Variants in DSCAML1 observed in about 807,000 individuals in gnomAD.
DSCAML1 encodes cell adhesion molecule DSCAML1.
DSCAML1 carries 38 observed loss-of-function variants against 200.5 expected under a neutral mutation model. That is an observed-to-expected ratio of 0.19 (90% CI 0.15 to 0.25). The LOEUF is 0.25. DSCAML1 is among the 10% of genes least tolerant of loss of function. The pLI is 1.00. For synonymous variants in DSCAML1, 1,215 were observed against 1,165.0 expected (o/e 1.04, Z -0.87); for missense variants, 2,223 against 2,858.8 (o/e 0.78, Z 5.07).
intron 3 of DSCAML1, among the ~76,000 whole-genome samples, chr11:117,540,090 G>A (rs1449397356): frequency 6.6e-6 from 1 of 152,222 alleles, no homozygotes; most frequent in Non-Finnish European, 1.5e-5. Context: ...AGCTCATAGA[G>A]ACAGAAAGTA....
At chr11:117,718,670 C>G (rs78217628) in intron 3 of DSCAML1, among the ~76,000 whole-genome samples, 9 of 45,394 alleles carry the variant, frequency 2.0e-4, no homozygotes, top group African/African-American at 4.4e-4. Flanking sequence ...TACTCAAAAC[C>G]CCCCCCCCCC....
Position 117,643,682 on chromosome 11 carries a change from G to A in DSCAML1, c.512-111160C>T, listed in dbSNP as rs533344100. 2.0e-5 allele frequency among the ~76,000 whole-genome samples: 3 copies of A among 152,192 alleles called. No homozygotes were observed. In the South Asian group the frequency reaches 6.2e-4, roughly 32 times the overall value. ...CCAGCCCAGACCCTCATCTCCTGCA[G>A]GGGAGGAGTGGGGGGTGCCCTCACT... On this transcript the variant is annotated intron_variant, in intron 3 of 32. Coordinates refer to ENST00000651296, the MANE Select transcript of DSCAML1 (RefSeq NM_020693.4).
chr11:117,769,538 A>ATT (rs1430723319), intron 3 of DSCAML1, among the ~76,000 whole-genome samples: 341 of 18,410 alleles, frequency 0.019, 23 homozygotes, highest in East Asian at 0.043. Flanking sequence ...TTTTATATAT[A>ATT]TTATATATTT....
intron 19 of DSCAML1, among the ~76,000 whole-genome samples, chr11:117,457,008 G>C (rs574719821): frequency 2.9e-4 from 44 of 152,262 alleles, no homozygotes; most frequent in Non-Finnish European, 5.9e-4. Context: ...CACCTTGGTA[G>C]CCATAAAGCA....
At chr11:117,769,076 A>AT (rs71037494) in intron 3 of DSCAML1, among the ~76,000 whole-genome samples, 123,635 of 127,964 alleles carry the variant, frequency 0.97, 59,834 homozygotes, top group East Asian at 1. Context: ...ATATATATAT[A>AT]ATCTATATAT....
At chr11:117,639,654 A>G (rs1050223200) in intron 3 of DSCAML1, among the ~76,000 whole-genome samples, 1 of 152,058 alleles carries the variant, frequency 6.6e-6, no homozygotes, top group Non-Finnish European at 1.5e-5. Flanking sequence ...GGGAGGAGGG[A>G]AGGAGGATGC....
At chr11:117,464,065 G>A (rs562519716) in intron 17 of DSCAML1, among the ~76,000 whole-genome samples, 42 of 152,288 alleles carry the variant, frequency 2.8e-4, no homozygotes, top group African/African-American at 9.4e-4. Flanking sequence ...ATGGTGAAAC[G>A]CTTGGTCTCC....
At chr11:117,509,904 G>A (rs2049585007) in intron 8 of DSCAML1, among the ~76,000 whole-genome samples, 1 of 152,220 alleles carries the variant, frequency 6.6e-6, no homozygotes, top group Non-Finnish European at 1.5e-5. Flanking sequence ...CCGAGTCCCA[G>A]CGTGTCCCTA....
chr11:117,685,690 G>T (rs1294011711), intron 3 of DSCAML1, among the ~76,000 whole-genome samples: 3 of 152,190 alleles, frequency 2.0e-5, no homozygotes, highest in South Asian at 4.1e-4. Context: ...GTACCTCTGG[G>T]TGACTTCCAG....
intron 16 of DSCAML1, among the ~76,000 whole-genome samples, chr11:117,468,079 CCT>C (rs1381439049): frequency 6.6e-6 from 1 of 152,030 alleles, no homozygotes; most frequent in Non-Finnish European, 1.5e-5. Flanking sequence ...CTGCCTCCTT[CCT>C]CTCTCTTTTT....
chr11:117,613,053 G>C (rs2051728786), intron 3 of DSCAML1, among the ~76,000 whole-genome samples: 1 of 152,118 alleles, frequency 6.6e-6, no homozygotes, highest in Non-Finnish European at 1.5e-5. Flanking sequence ...ATGTACCTCT[G>C]AAATTTCTTC....
intron 11 of DSCAML1, 65 bp from the exon 12 acceptor site, chr11:117,482,227 G>A (rs901526310): frequency 8.2e-6 from 13 of 1,576,194 alleles, no homozygotes; most frequent in Middle Eastern, 3.6e-4. Context: ...AGGCACGCGT[G>A]CCCTGCGCAG....
At chr11:117,450,500 C>T in intron 20 of DSCAML1, 49 bp downstream of exon 20, 3 of 1,593,910 alleles carry the variant, frequency 1.9e-6, no homozygotes, top group Non-Finnish European at 1.7e-6. Context: ...TACAAGGTCC[C>T]TTTTCTTTTC....
At chr11:117,717,233 G>A (rs1205767082) in intron 3 of DSCAML1, among the ~76,000 whole-genome samples, 4 of 152,146 alleles carry the variant, frequency 2.6e-5, no homozygotes, top group African/African-American at 4.8e-5. Flanking sequence ...ACCGCCTGGG[G>A]CTCCTGTGCC....
intron 30 of DSCAML1, among the ~76,000 whole-genome samples, 188 bp from the exon 31 acceptor site, chr11:117,431,916 GT>G (rs201551067): frequency 0.098 from 14,964 of 152,128 alleles, 744 homozygotes; most frequent in Admixed American, 0.11. Context: ...TCGAGTCAAG[GT>G]TGGGGAGGGG....
chr11:117,724,002 G>C (rs543753548), intron 3 of DSCAML1, among the ~76,000 whole-genome samples: 6 of 152,172 alleles, frequency 3.9e-5, no homozygotes, highest in Non-Finnish European at 8.8e-5. Flanking sequence ...GGCTACGGCT[G>C]GTCCTTTATC....
chr11:117,797,728 C>G (rs929455890), upstream of DSCAML1, among the ~76,000 whole-genome samples: 2 of 152,174 alleles, frequency 1.3e-5, no homozygotes, highest in African/African-American at 4.8e-5. Context: ...GCCTGCCCTC[C>G]GGAGAACCCC....
chr11:117,524,721 C>T, intron 5 of DSCAML1, 84 bp downstream of exon 5: 1 of 1,476,718 alleles, frequency 6.8e-7, no homozygotes, highest in Non-Finnish European at 9.1e-7. Flanking sequence ...AGAGACAGGT[C>T]CAGCTGTCGG....
intron 16 of DSCAML1, among the ~76,000 whole-genome samples, chr11:117,465,989 C>T (rs778772231): frequency 3.3e-5 from 5 of 152,118 alleles, no homozygotes; most frequent in African/African-American, 4.8e-5. Context: ...CTGTACATTG[C>T]TGGTGGGAAT....
Sources: allele counts gnomAD v4.1 joint callset (sites outside exome capture counted in the v4.1 genomes callset), GRCh38; gene constraint gnomAD v4.1.1; transcripts MANE v1.5; gene names NCBI Gene and HGNC (gene_info 2026-07-23, HGNC 2026-07-21).